The following FER variants were observed in gnomAD, a reference collection of about 807,000 sequenced individuals.
FER encodes the protein tyrosine-protein kinase Fer.
A neutral mutation model predicts 111.0 loss-of-function variants in FER; 63 were observed. That is an observed-to-expected ratio of 0.57 (90% CI 0.46 to 0.70). The LOEUF (loss-of-function observed/expected upper bound fraction) is 0.70. Ranked by LOEUF, FER falls within the 30% of genes least tolerant of loss-of-function variation. The pLI, the probability that FER is intolerant of heterozygous loss-of-function variation, is 0.00. For missense variants in FER, 914 were observed against 954.0 expected (o/e 0.96, Z 0.55); for synonymous variants, 327 against 313.9 (o/e 1.04, Z -0.44).
chr5:109,010,734 G>C (rs1766155984), intron 13 of FER, among the ~76,000 whole-genome samples: 2 of 151,862 alleles, frequency 1.3e-5, no homozygotes, highest in Admixed American at 1.3e-4. Flanking sequence ...ATATTCAGTT[G>C]CTGATAAAGT....
In FER at chr5:108,794,534, C is replaced by CA. The variant is rs143701125; in HGVS notation, c.-59-3590_-59-3589insA. 4.8e-5 allele frequency among the ~76,000 whole-genome samples: 6 copies of CA among 124,182 alleles called. No homozygotes were observed. The East Asian group carries it at 1.3e-3, about 28-fold the overall frequency. The allele number at this position is 124,182 out of a possible 152,430, so 81.5% of individuals were successfully genotyped here. On this transcript the variant is annotated intron_variant, in intron 2 of 19. Transcript: ENST00000281092. ...GTGCTTGCCCCCTCCGCACCCCCCC[C>CA]CCTCCCCGCACCTTAACATTTCTTA...
chr5:108,770,502 T>A (rs2073646885), intron 2 of FER, among the ~76,000 whole-genome samples: 1 of 152,094 alleles, frequency 6.6e-6, no homozygotes, highest in Non-Finnish European at 1.5e-5. Flanking sequence ...TGGGACAGAG[T>A]CTCGCTGTAT....
intron 17 of FER, among the ~76,000 whole-genome samples, chr5:109,124,367 G>A (rs1406257007): frequency 6.6e-6 from 1 of 152,348 alleles, no homozygotes; most frequent in East Asian, 1.9e-4. Flanking sequence ...TAAGTGGCTT[G>A]TGCTTAGACT....
chr5:108,777,078 AG>A (rs554084745), intron 2 of FER, among the ~76,000 whole-genome samples: 1 of 152,180 alleles, frequency 6.6e-6, no homozygotes, highest in Non-Finnish European at 1.5e-5. Context: ...TTGGGAGGCC[AG>A]GGTGGGAGGA....
intron 9 of FER, among the ~76,000 whole-genome samples, chr5:108,885,147 A>G (rs1239917984): frequency 6.6e-6 from 1 of 151,916 alleles, no homozygotes; most frequent in African/African-American, 2.4e-5. Context: ...ACTCTCTCTC[A>G]GATTTATTTT....
At chr5:108,868,170 G>A (rs907089687) in intron 6 of FER, among the ~76,000 whole-genome samples, 1 of 151,812 alleles carries the variant, frequency 6.6e-6, no homozygotes, top group African/African-American at 2.4e-5. Flanking sequence ...TCTTTTGTAT[G>A]TTTTTGTTTT....
rs560287100 is a variant in FER at position 108,804,065 on chromosome 5, C to A, written c.207+5676C>A. On this transcript the variant is annotated intron_variant, in intron 3 of 19. Transcript: ENST00000281092. ...CTTTTATTTTCTTGGTTAAATGTATCCCTAGGTGTTTTATTTTATTTTTTT... is the reference window on the plus strand; with the variant it reads ...CTTTTATTTTCTTGGTTAAATGTATACCTAGGTGTTTTATTTTATTTTTTT... 3.3e-5 allele frequency among the ~76,000 whole-genome samples: 5 copies of A among 152,070 alleles called. No individual in the cohort carries two copies. The East Asian group carries it at 5.8e-4, about 18-fold the overall frequency.
At chr5:108,934,514 C>G (rs1755175338) in intron 10 of FER, among the ~76,000 whole-genome samples, 1 of 152,010 alleles carries the variant, frequency 6.6e-6, no homozygotes, top group Non-Finnish European at 1.5e-5. Context: ...TTATTTTTGT[C>G]TTGGGAGTTC....
intron 16 of FER, among the ~76,000 whole-genome samples, chr5:109,084,931 T>C (rs1418104268): frequency 6.6e-6 from 1 of 151,944 alleles, no homozygotes; most frequent in Non-Finnish European, 1.5e-5. Flanking sequence ...GTCTGTTCCA[T>C]TGATCTATGT....
intron 1 of FER, among the ~76,000 whole-genome samples, chr5:108,759,529 C>T (rs1407643358): frequency 6.6e-6 from 1 of 152,198 alleles, no homozygotes; most frequent in African/African-American, 2.4e-5. Flanking sequence ...CCATTTTGTG[C>T]TTCTATAACA....
chr5:109,155,999 T>A (rs909269314), intron 17 of FER, among the ~76,000 whole-genome samples: 15 of 151,996 alleles, frequency 9.9e-5, no homozygotes, highest in East Asian at 7.7e-4. Context: ...AAAGTTTTTT[T>A]AAAAAAGTAA....
At chr5:109,030,051 A>C (rs1007456101) in intron 13 of FER, among the ~76,000 whole-genome samples, 1 of 151,858 alleles carries the variant, frequency 6.6e-6, no homozygotes, top group African/African-American at 2.4e-5. Flanking sequence ...TAATCTATTG[A>C]TCTGTCCTCA....
intron 10 of FER, among the ~76,000 whole-genome samples, chr5:108,935,195 C>T (rs923868133): frequency 3.9e-5 from 6 of 152,034 alleles, no homozygotes; most frequent in African/African-American, 7.2e-5. Flanking sequence ...TTTCACAGTT[C>T]GGGAGGCCAG....
At chr5:108,773,193 ATTATT>A (rs1753114616) in intron 2 of FER, among the ~76,000 whole-genome samples, 1 of 152,074 alleles carries the variant, frequency 6.6e-6, no homozygotes, top group Admixed American at 6.6e-5. Flanking sequence ...TTAATTTTTT[ATTATT>A]TTAAGCTCAG....
At chr5:108,787,771 T>C (rs1245496071) in intron 2 of FER, among the ~76,000 whole-genome samples, 1 of 152,204 alleles carries the variant, frequency 6.6e-6, no homozygotes, top group African/African-American at 2.4e-5. Context: ...AGCTGCCCAC[T>C]ACAGGTCTCC....
chr5:109,051,075 G>C (rs1410822081), intron 16 of FER, among the ~76,000 whole-genome samples: 1 of 152,014 alleles, frequency 6.6e-6, no homozygotes, highest in Non-Finnish European at 1.5e-5. Context: ...TAAGTTTTTT[G>C]AATCCACTAC....
intron 13 of FER, among the ~76,000 whole-genome samples, chr5:109,012,372 T>G (rs1766396293): frequency 6.6e-6 from 1 of 152,176 alleles, no homozygotes; most frequent in African/African-American, 2.4e-5. Flanking sequence ...GATAGCAACA[T>G]TGCCTTCAAT....
intron 17 of FER, among the ~76,000 whole-genome samples, chr5:109,132,622 G>A (rs1002118149): frequency 6.6e-6 from 1 of 152,108 alleles, no homozygotes; most frequent in Non-Finnish European, 1.5e-5. Flanking sequence ...TAGTGTCTGA[G>A]GAAACAGGTA....
chr5:108,963,789 G>C (rs1398051418), intron 13 of FER, among the ~76,000 whole-genome samples: 1 of 152,156 alleles, frequency 6.6e-6, no homozygotes, highest in Non-Finnish European at 1.5e-5. Context: ...CAACATTCAT[G>C]ATTATCAGAC....
Sources: allele counts gnomAD v4.1 joint callset (sites outside exome capture counted in the v4.1 genomes callset), GRCh38; gene constraint gnomAD v4.1.1; transcripts MANE v1.5; gene names NCBI Gene and HGNC (gene_info 2026-07-23, HGNC 2026-07-21).